Variants in SLC26A11 observed in about 807,000 individuals in gnomAD.
SLC26A11 encodes solute carrier family 26 member 11.
SLC26A11 carries 58 observed loss-of-function variants against 62.2 expected under a neutral mutation model. That is an observed-to-expected ratio of 0.93 (90% confidence interval 0.76 to 1.16). SLC26A11 has a LOEUF of 1.16. Ranked by LOEUF, SLC26A11 falls within the 50% of genes most tolerant of loss-of-function variation. The pLI is 0.00. For synonymous variants in SLC26A11, 411 were observed against 368.9 expected, an observed-to-expected ratio of 1.11 and a Z score of -1.31; for missense variants, 790 against 794.3, an observed-to-expected ratio of 0.99 and a Z score of 0.06.
In SLC26A11 at chr17:80,246,063, C is replaced by T. The variant is rs1193982986; in HGVS notation, c.1098-91C>T. 6.1e-6 allele frequency: 9 copies of T among 1,468,200 alleles called. No homozygotes were observed. The highest frequency in any genetic ancestry group is 5.5e-5 in the African/African-American group (4 of 72,172). 90.9% of individuals were successfully genotyped at this position (1,468,200 alleles called of 1,614,324 possible). ...CTTCCCAAGCCGTGCTGGGAGCTGA[C>T]GTCCCCTCGGAAGATCAGCCACAGG... On this transcript the variant is annotated intron_variant, in intron 11 of 17. Transcript: ENST00000361193. The surrounding 1 kb of genome is among the most constrained non-coding windows in gnomAD (Gnocchi z 4.4).
chr17:80,221,136 T>A (rs975802247), intron 2 of SLC26A11, 21 bp downstream of exon 2: 1 of 160,154 alleles, frequency 6.2e-6, no homozygotes, highest in Non-Finnish European at 1.4e-5. Flanking sequence ...GGGCCCAGCT[T>A]CTCTCTGCGC....
chr17:80,234,348 C>T (rs1045349788), intron 7 of SLC26A11, among the ~76,000 whole-genome samples: 2 of 152,200 alleles, frequency 1.3e-5, no homozygotes, highest in Admixed American at 1.3e-4. Flanking sequence ...TGGCCCACTT[C>T]GTTTCAAGAA....
intron 13 of SLC26A11, among the ~76,000 whole-genome samples, 180 bp from the exon 14 acceptor site, chr17:80,247,950 C>G (rs745338529): frequency 6.6e-6 from 1 of 152,228 alleles, no homozygotes; most frequent in Non-Finnish European, 1.5e-5. Context: ...GCATTTCTTT[C>G]TTTCGACTTG....
intron 7 of SLC26A11, among the ~76,000 whole-genome samples, chr17:80,231,347 G>A (rs10871503): frequency 0.43 from 65,487 of 150,548 alleles, 14,420 homozygotes; most frequent in East Asian, 0.61. Context: ...TATTTTTAGT[G>A]GAGACGGGGT....
At chr17:80,236,019 A>G (rs111844163) in intron 7 of SLC26A11, among the ~76,000 whole-genome samples, 1 of 152,330 alleles carries the variant, frequency 6.6e-6, no homozygotes, top group African/African-American at 2.4e-5. Context: ...ACAAAGCAAA[A>G]AGTTTTTAGT....
intron 10 of SLC26A11, among the ~76,000 whole-genome samples, chr17:80,242,634 T>TGAA (rs2042894830): frequency 6.6e-6 from 1 of 152,226 alleles, no homozygotes; most frequent in Non-Finnish European, 1.5e-5. Context: ...CATGCCCGCT[T>TGAA]TCACGGTTTA....
chr17:80,221,931 C>A, intron 3 of SLC26A11, 137 bp downstream of exon 3: 1 of 914,256 alleles, frequency 1.1e-6, no homozygotes, highest in South Asian at 1.7e-5. Context: ...GTGTGTGACG[C>A]AGATTGTCTC....
At chr17:80,229,444 T>A (rs1023362854) in intron 7 of SLC26A11, among the ~76,000 whole-genome samples, 4 of 151,870 alleles carry the variant, frequency 2.6e-5, no homozygotes, top group African/African-American at 9.7e-5. Flanking sequence ...TTTTTGGTTT[T>A]TTTTGGAGAC....
At chr17:80,231,538 T>A in intron 7 of SLC26A11, among the ~76,000 whole-genome samples, 1 of 152,214 alleles carries the variant, frequency 6.6e-6, no homozygotes, top group East Asian at 1.9e-4. Context: ...TATGGTTGTT[T>A]AAATGCTGTA....
At position 80,241,932 on chromosome 17, in the gene SLC26A11, T is replaced by C. The variant is rs543402741; in HGVS notation, c.1036+111T>C. On this transcript the variant is annotated intron_variant, in intron 10 of 17. Coordinates refer to ENST00000361193, the MANE Select transcript of SLC26A11 (RefSeq NM_001166347.2). Reference sequence around the variant, plus strand: ...GAAGACCATGATGGTGGTGATGAACTGGGAGGGCAAAGGTGGCCCCAGATG... The same window carrying C: ...GAAGACCATGATGGTGGTGATGAACCGGGAGGGCAAAGGTGGCCCCAGATG... The C allele has an allele frequency of 8.0e-6, 10 of 1,253,376 alleles. No homozygotes were observed. The African/African-American group carries it at 1.2e-4, about 15-fold the overall frequency. 77.6% of individuals were successfully genotyped at this position (1,253,376 alleles called of 1,614,324 possible).
intron 11 of SLC26A11, 45 bp downstream of exon 11, chr17:80,245,301 C>T (rs7406844): frequency 0.73 from 1,163,386 of 1,594,722 alleles, 427,936 homozygotes; most frequent in East Asian, 0.96. Context: ...GTTGGACGCC[C>T]TAACGTTGTT....
chr17:80,223,362 A>G lies in SLC26A11; in HGVS notation c.513+25A>G, dbSNP rs1297635058. The G allele has an allele frequency of 5.6e-6, 9 of 1,611,294 alleles. No homozygotes were observed. In the East Asian group the frequency reaches 1.1e-4, roughly 20 times the overall value. The stretch of plus-strand genomic sequence containing the variant: ...GGTAGGCACGGCGCCCACCCAGGGC[A>G]CTGCTCTTTGGCCACTGCTCGTTGG... On this transcript the variant is annotated intron_variant, in intron 5 of 17. Coordinates refer to ENST00000361193, the MANE Select transcript of SLC26A11 (RefSeq NM_001166347.2). This position sits in a 1 kb window ranked among gnomAD's most constrained non-coding sequence, Gnocchi z 4.6.
At chr17:80,225,203 A>G (rs2042376136) in intron 5 of SLC26A11, among the ~76,000 whole-genome samples, 1 of 152,140 alleles carries the variant, frequency 6.6e-6, no homozygotes, top group African/African-American at 2.4e-5. Flanking sequence ...CTAAAGAAAA[A>G]AAAACTAAAC....
At position 80,222,668 on chromosome 17, in the gene SLC26A11, C is replaced by G; in HGVS notation, c.248C>G (p.Ser83Cys). 6.2e-7 allele frequency: 1 copy of G among 1,614,148 alleles called. No individual in the cohort carries two copies. The highest frequency in any genetic ancestry group is 8.5e-7 in the Non-Finnish European group (1 of 1,180,018). The change falls in exon 4 of 18, where the codon TCT (serine) becomes TGT (cysteine). Residue 83 changes from serine to cysteine, a missense_variant. Ser to Cys is a moderately radical substitution (Grantham distance 112). Transcript: ENST00000361193. The surrounding 1 kb of genome is among the most constrained non-coding windows in gnomAD (Gnocchi z 4.7). ...AGLPPQYGLYSAFMGCFVYFF... is the reference protein window; with the variant it reads ...AGLPPQYGLYCAFMGCFVYFF... ...CTCTCCCCACAGTATGGCCTCTACT[C>G]TGCCTTCATGGGCTGCTTCGTGTAT...
chr17:80,252,687 G>C lies in SLC26A11; in HGVS notation c.1792G>C (p.Asp598His). ...PYNIREDSILDQKVALLKA is the reference protein window; with the variant it reads ...PYNIREDSILHQKVALLKA ...CAACATCAGAGAAGACTCCATTCTG[G>C]ACCAAAAGGTTGCCCTGCTCAAGGC... The change falls in exon 18 of 18, where the codon GAC becomes CAC. Residue 598 changes from aspartate to histidine, a missense_variant. Asp to His is a moderately conservative substitution (Grantham distance 81). Transcript: ENST00000361193. This position sits in a 1 kb window ranked among gnomAD's most constrained non-coding sequence, Gnocchi z 5.2. 2.5e-6 allele frequency: 4 copies of C among 1,613,958 alleles called. No individual in the cohort carries two copies. The Admixed American group carries it at 6.7e-5, about 27-fold the overall frequency.
chr17:80,248,724 C>A, intron 15 of SLC26A11, 50 bp downstream of exon 15: 2 of 1,487,474 alleles, frequency 1.3e-6, no homozygotes, highest in Non-Finnish European at 1.8e-6. Context: ...CTGTCCTCTG[C>A]CCCCCACTCC....
rs556063241 is a variant in SLC26A11, at chr17:80,237,091, C to T, written c.900C>T (p.Thr300=). 3.7e-6 allele frequency: 6 copies of T among 1,612,112 alleles called. No homozygotes were observed. The highest frequency in any genetic ancestry group is 1.3e-5 in the African/African-American group (1 of 74,992). Residue 300 remains threonine (T), a synonymous_variant, in exon 8 of 18, where the codon ACC becomes ACT. Transcript: ENST00000361193. Reference sequence around the variant, plus strand: ...CAGCCAACGGGACGATCTCCTTCACCGAGATGGTGCAGGTGGGCGGAGCCG... The same window carrying T: ...CAGCCAACGGGACGATCTCCTTCACTGAGATGGTGCAGGTGGGCGGAGCCG... ...VTTANGTISF[T]EMVQDMGAGL...
Position 80,241,811 on chromosome 17 carries a change from G to C in SLC26A11, c.1026G>C (p.Leu342=). 1 of 1,614,186 alleles carries C rather than the reference G, an allele frequency of 6.2e-7. No individual in the cohort carries two copies. Among genetic ancestry groups the C allele is most frequent in the Non-Finnish European group, 8.5e-7 (1 of 1,180,026 alleles). ...ACCGCATCGATGCCAACCAGGAGCTGCTGGCCATCGGTAAGACCCCAGCCG... is the reference window on the plus strand; with the variant it reads ...ACCGCATCGATGCCAACCAGGAGCTCCTGGCCATCGGTAAGACCCCAGCCG... ...NNYRIDANQE[L]LAIGLTNMLG... is the part of the protein sequence containing the mutation. Residue 342 remains leucine, a synonymous_variant, in exon 10 of 18, where the codon CTG becomes CTC. Coordinates refer to ENST00000361193, the MANE Select transcript of SLC26A11 (RefSeq NM_001166347.2).
rs573685393 is a variant in SLC26A11, at chr17:80,252,424, C to T, written c.1730-201C>T. On this transcript the variant is annotated intron_variant, in intron 17 of 17. Coordinates refer to ENST00000361193, the MANE Select transcript of SLC26A11 (RefSeq NM_001166347.2). This position sits in a 1 kb window ranked among gnomAD's most constrained non-coding sequence, Gnocchi z 5.2. ...GGTACCCTGGAGCAGTAAGAAAGGG[C>T]CGTTAGTCACCTGAAAAATACGCTT... is the stretch of plus-strand genomic sequence containing the variant. Among the ~76,000 whole-genome samples the T allele has an allele frequency of 4.6e-5, 7 of 152,138 alleles. No individual in the cohort carries two copies. Among genetic ancestry groups the T allele is most frequent in the Non-Finnish European group, 7.4e-5 (5 of 67,988 alleles).
Sources: allele counts gnomAD v4.1 joint callset (sites outside exome capture counted in the v4.1 genomes callset), GRCh38; gene constraint gnomAD v4.1.1; non-coding constraint Gnocchi (gnomAD v3.1); transcripts MANE v1.5; gene names NCBI Gene and HGNC (gene_info 2026-07-23, HGNC 2026-07-21).